The following DLG2 variants were observed in gnomAD, a reference collection of about 807,000 sequenced individuals.
DLG2 encodes discs large MAGUK scaffold protein 2, also known as disks large homolog 2.
A neutral mutation model predicts 132.5 loss-of-function variants in DLG2; 45 were observed. That is an observed-to-expected ratio of 0.34 (90% CI 0.27 to 0.44). The LOEUF (loss-of-function observed/expected upper bound fraction) is 0.44, where lower values mean the gene tolerates loss of function less well. Ranked by LOEUF, DLG2 falls within the 20% of genes least tolerant of loss-of-function variation. DLG2 has a pLI of 1.00. For synonymous variants in DLG2, 424 were observed against 419.6 expected (o/e 1.01, Z -0.13); for missense variants, 1,045 against 1,196.9 (o/e 0.87, Z 1.87).
intron 7 of DLG2, among the ~76,000 whole-genome samples, chr11:84,383,507 C>T (rs964991029): frequency 4.6e-5 from 7 of 152,014 alleles, no homozygotes; most frequent in Non-Finnish European, 7.4e-5. Context: ...GATTACCTTA[C>T]ATTATATAAG....
intron 9 of DLG2, among the ~76,000 whole-genome samples, chr11:84,123,584 C>T (rs1197594220): frequency 6.6e-6 from 1 of 152,164 alleles, no homozygotes; most frequent in Non-Finnish European, 1.5e-5. Flanking sequence ...ATCCTGCTTA[C>T]ATTCAATCCA....
intron 8 of DLG2, among the ~76,000 whole-genome samples, chr11:84,238,411 A>C (rs2097186449): frequency 6.6e-6 from 1 of 152,070 alleles, no homozygotes; most frequent in Non-Finnish European, 1.5e-5. Context: ...GCTACTTGTG[A>C]GGCTGAACTG....
intron 6 of DLG2, among the ~76,000 whole-genome samples, chr11:84,863,413 G>T (rs953590588): frequency 6.6e-6 from 1 of 151,986 alleles, no homozygotes; most frequent in Non-Finnish European, 1.5e-5. Context: ...TCTCAGATGC[G>T]CTTTTCCTTA....
intron 3 of DLG2, among the ~76,000 whole-genome samples, chr11:85,545,769 A>C (rs1489173956): frequency 2.0e-5 from 3 of 151,930 alleles, no homozygotes; most frequent in Non-Finnish European, 4.4e-5. Context: ...TTCTAGTTTC[A>C]TTTGCATAGA....
intron 6 of DLG2, among the ~76,000 whole-genome samples, chr11:84,849,104 T>A (rs1258504981): frequency 6.6e-6 from 1 of 152,138 alleles, no homozygotes; most frequent in Non-Finnish European, 1.5e-5. Flanking sequence ...AAAGATGAGG[T>A]TATGAGAGGA....
At chr11:84,247,975 A>T (rs1567058103) in intron 8 of DLG2, among the ~76,000 whole-genome samples, 1 of 152,350 alleles carries the variant, frequency 6.6e-6, no homozygotes, top group East Asian at 1.9e-4. Context: ...CAACATGACT[A>T]AAATGCCCTA....
intron 19 of DLG2, among the ~76,000 whole-genome samples, chr11:83,561,875 ATTTCTTTCTTTT>A (rs1565811565): frequency 7.9e-6 from 1 of 126,480 alleles, no homozygotes. Context: ...TTGACTTAGT[ATTTCTTTCTTTT>A]TTTTTTTTTT....
At chr11:85,423,062 T>A (rs2090444325) in intron 3 of DLG2, among the ~76,000 whole-genome samples, 1 of 152,166 alleles carries the variant, frequency 6.6e-6, no homozygotes. Context: ...CCTTCTCATT[T>A]GGTTAGGCTG....
chr11:84,546,012 T>C (rs1158959702), intron 6 of DLG2, among the ~76,000 whole-genome samples: 1 of 152,166 alleles, frequency 6.6e-6, no homozygotes, highest in Non-Finnish European at 1.5e-5. Flanking sequence ...CGCCTCGGCC[T>C]CCCGAAGTGC....
chr11:84,400,840 T>C (rs1290104750), intron 7 of DLG2, among the ~76,000 whole-genome samples: 1 of 152,172 alleles, frequency 6.6e-6, no homozygotes, highest in Non-Finnish European at 1.5e-5. Flanking sequence ...TAACAGATAT[T>C]AGTCTGAGTA....
intron 4 of DLG2, among the ~76,000 whole-genome samples, chr11:85,189,161 G>A (rs1050857838): frequency 6.6e-6 from 1 of 152,046 alleles, no homozygotes; most frequent in African/African-American, 2.4e-5. Flanking sequence ...AAGAAAGAAT[G>A]GTGGCTAAAA....
chr11:85,261,762 A>C (rs2076953825), intron 4 of DLG2, among the ~76,000 whole-genome samples: 1 of 152,170 alleles, frequency 6.6e-6, no homozygotes, highest in Admixed American at 6.5e-5. Flanking sequence ...TGCAAGGGCC[A>C]AAATGGGATC....
At chr11:85,147,862 C>A (rs1303347601) in intron 5 of DLG2, among the ~76,000 whole-genome samples, 1 of 152,014 alleles carries the variant, frequency 6.6e-6, no homozygotes, top group Non-Finnish European at 1.5e-5. Context: ...GTCTTAAATC[C>A]CACATGCATT....
At chr11:85,016,300 T>C (rs1480553892) in intron 6 of DLG2, among the ~76,000 whole-genome samples, 3 of 152,164 alleles carry the variant, frequency 2.0e-5, no homozygotes, top group Non-Finnish European at 2.9e-5. Flanking sequence ...TAAATTACTA[T>C]ACTTTTTGAC....
chr11:85,501,322 GA>G (rs1475850928), intron 3 of DLG2, among the ~76,000 whole-genome samples: 2 of 152,138 alleles, frequency 1.3e-5, no homozygotes, highest in Non-Finnish European at 2.9e-5. Flanking sequence ...AATCCTAGAA[GA>G]AAACCTGTGA....
chr11:83,727,187 C>T (rs1210270201), intron 18 of DLG2, among the ~76,000 whole-genome samples: 1 of 152,132 alleles, frequency 6.6e-6, no homozygotes, highest in African/African-American at 2.4e-5. Context: ...TAATTTTATT[C>T]AACACAATCA....
chr11:83,682,711 A>C lies in DLG2; in HGVS notation c.1826-49386T>G, dbSNP rs569275538. Among the ~76,000 whole-genome samples the C allele has an allele frequency of 2.6e-5, 4 of 152,218 alleles. No individual in the cohort carries two copies. In the East Asian group the frequency reaches 7.7e-4, roughly 29 times the overall value. ...CATAGCCTGTCACAGTCTACCAAAC[A>C]CTTTCACTCTCACTGAGTCTCTCAG... is the stretch of plus-strand genomic sequence containing the variant. On this transcript the variant is annotated intron_variant, in intron 18 of 27. Coordinates refer to ENST00000376104, the MANE Select transcript of DLG2 (RefSeq NM_001142699.3).
intron 4 of DLG2, among the ~76,000 whole-genome samples, chr11:85,232,996 C>A (rs1056947272): frequency 1.3e-5 from 2 of 151,796 alleles, no homozygotes; most frequent in Non-Finnish European, 2.9e-5. Flanking sequence ...GGCCTTAATG[C>A]CTTTCTTTCC....
intron 3 of DLG2, among the ~76,000 whole-genome samples, chr11:85,456,591 G>C (rs536177136): frequency 6.6e-6 from 1 of 151,996 alleles, no homozygotes; most frequent in Non-Finnish European, 1.5e-5. Context: ...CAAGCCTTTC[G>C]ACGTGGGCAT....
Sources: allele counts gnomAD v4.1 joint callset (sites outside exome capture counted in the v4.1 genomes callset), GRCh38; gene constraint gnomAD v4.1.1; transcripts MANE v1.5; gene names NCBI Gene and HGNC (gene_info 2026-07-23, HGNC 2026-07-21).